MTHFD2L: variants seen among roughly 807,000 people sequenced by gnomAD.
MTHFD2L encodes the protein methylenetetrahydrofolate dehydrogenase (NADP+ dependent) 2 like.
MTHFD2L carries 29 observed loss-of-function variants against 34.9 expected under a neutral mutation model. The ratio of observed to expected loss-of-function variants is 0.83; its 90% CI spans 0.62 to 1.13. MTHFD2L has a LOEUF of 1.13. Ranked by LOEUF, MTHFD2L falls within the 50% of genes most tolerant of loss-of-function variation. The pLI is 0.00. For missense variants in MTHFD2L, 481 were observed against 446.5 expected (o/e 1.08, Z -0.70); for synonymous variants, 167 against 155.7 (o/e 1.07, Z -0.54).
chr4:74,284,527 G>T lies in MTHFD2L; in HGVS notation c.931+2977G>T, dbSNP rs558391904. Among the ~76,000 whole-genome samples the T allele has an allele frequency of 3.8e-3, 564 of 150,142 alleles. 6 individuals carry two copies. The highest frequency in any genetic ancestry group is 6.3e-3 in the Non-Finnish European group (422 of 67,516). Reference sequence around the variant, plus strand: ...CCTTCGCCCACTTGTTGATGGGGTTGTTTGTTTTTTTTTTTCTTGTAAATT... The same window carrying T: ...CCTTCGCCCACTTGTTGATGGGGTTTTTTGTTTTTTTTTTTCTTGTAAATT... On this transcript the variant is annotated intron_variant, in intron 7 of 7. Coordinates refer to ENST00000325278, the MANE Select transcript of MTHFD2L (RefSeq NM_001144978.3).
intron 6 of MTHFD2L, among the ~76,000 whole-genome samples, chr4:74,266,625 C>T (rs1745315122): frequency 6.6e-6 from 1 of 152,198 alleles, no homozygotes; most frequent in Non-Finnish European, 1.5e-5. Flanking sequence ...GCTCTCACCA[C>T]TTCTCCAACT....
At chr4:74,184,921 G>A (rs1346872835) in intron 3 of MTHFD2L, among the ~76,000 whole-genome samples, 3 of 151,956 alleles carry the variant, frequency 2.0e-5, no homozygotes, top group African/African-American at 7.2e-5. Context: ...AGGCCAAGAT[G>A]GGCAGATCAG....
chr4:74,293,221 T>G (rs954878309), intron 7 of MTHFD2L, among the ~76,000 whole-genome samples: 1 of 152,036 alleles, frequency 6.6e-6, no homozygotes, highest in Admixed American at 6.6e-5. Flanking sequence ...CAGGCCCCAG[T>G]GTGTGATGTT....
chr4:74,214,289 G>A (rs907723447), intron 5 of MTHFD2L, among the ~76,000 whole-genome samples: 10 of 151,760 alleles, frequency 6.6e-5, no homozygotes, highest in South Asian at 2.1e-4. Flanking sequence ...TAGAAGAGGC[G>A]TTCTGGTTTT....
intron 6 of MTHFD2L, among the ~76,000 whole-genome samples, chr4:74,245,865 T>G (rs1742362052): frequency 6.6e-6 from 1 of 151,370 alleles, no homozygotes; most frequent in Admixed American, 6.6e-5. Context: ...ATTTTCTTAA[T>G]CCAGTCTATC....
At chr4:74,124,806 G>T (rs1418400142), upstream of MTHFD2L, among the ~76,000 whole-genome samples, 1 of 152,022 alleles carries the variant, frequency 6.6e-6, no homozygotes, top group Non-Finnish European at 1.5e-5. Context: ...ATTTATTAAA[G>T]AACTCAGAAT....
intron 1 of MTHFD2L, among the ~76,000 whole-genome samples, chr4:74,149,196 G>A (rs1288320423): frequency 6.6e-6 from 1 of 151,800 alleles, no homozygotes; most frequent in Non-Finnish European, 1.5e-5. Context: ...AGCAGTTTCA[G>A]TGGTTTCCTG....
intron 1 of MTHFD2L, among the ~76,000 whole-genome samples, chr4:74,145,015 A>G (rs1723504662): frequency 2.0e-5 from 3 of 152,196 alleles, no homozygotes; most frequent in African/African-American, 7.2e-5. Flanking sequence ...AGAGATTTAA[A>G]TAAGAAAGTC....
chr4:74,255,893 G>A (rs1168304962), intron 6 of MTHFD2L, among the ~76,000 whole-genome samples: 1 of 152,056 alleles, frequency 6.6e-6, no homozygotes, highest in Non-Finnish European at 1.5e-5. Flanking sequence ...TCTTTATCCA[G>A]TCCATTCTTT....
At chr4:74,298,342 A>G (rs530385335) in intron 7 of MTHFD2L, among the ~76,000 whole-genome samples, 2 of 152,070 alleles carry the variant, frequency 1.3e-5, no homozygotes, top group Admixed American at 1.3e-4. Flanking sequence ...ACATAGCCTG[A>G]TTCTATGAAA....
At chr4:74,224,321 T>C (rs188945312) in intron 5 of MTHFD2L, among the ~76,000 whole-genome samples, 1 of 152,310 alleles carries the variant, frequency 6.6e-6, no homozygotes, top group East Asian at 1.9e-4. Context: ...CTGCCGGCCA[T>C]GTTGTCATTC....
intron 1 of MTHFD2L, among the ~76,000 whole-genome samples, chr4:74,168,487 A>G (rs1036918671): frequency 5.3e-5 from 8 of 152,192 alleles, no homozygotes; most frequent in African/African-American, 1.9e-4. Flanking sequence ...TGGCCCTCAG[A>G]TAAGTCCTTT....
At chr4:74,220,092 A>ATT (rs35484581) in intron 5 of MTHFD2L, among the ~76,000 whole-genome samples, 5,508 of 148,094 alleles carry the variant, frequency 0.037, 112 homozygotes, top group Non-Finnish European at 0.055. Context: ...TTTGGTTTTG[A>ATT]TTTTTTTTTT....
chr4:74,188,475 C>G (rs1384721504), intron 3 of MTHFD2L, among the ~76,000 whole-genome samples: 1 of 152,152 alleles, frequency 6.6e-6, no homozygotes, highest in Non-Finnish European at 1.5e-5. Context: ...CTCAGAAGTC[C>G]TATCTCTAAA....
Position 74,158,128 on chromosome 4 carries a change from G to T in MTHFD2L, c.-11G>T. ...GTGGAGCCCCAGTCCGGAAGCCGGGGATCCGCGGCCATGACGGTGCCGGTC... is the reference window on the plus strand; with the variant it reads ...GTGGAGCCCCAGTCCGGAAGCCGGGTATCCGCGGCCATGACGGTGCCGGTC... On this transcript the variant is annotated 5_prime_UTR_variant, in exon 1 of 8. Transcript: ENST00000325278. 6.5e-7 allele frequency: 1 copy of T among 1,530,806 alleles called. No individual in the cohort carries two copies. The highest frequency in any genetic ancestry group is 1.2e-5 in the South Asian group (1 of 82,740). 94.8% of individuals were successfully genotyped at this position (1,530,806 alleles called of 1,614,324 possible).
At chr4:74,271,865 G>T (rs559808731) in intron 6 of MTHFD2L, among the ~76,000 whole-genome samples, 2 of 151,460 alleles carry the variant, frequency 1.3e-5, no homozygotes, top group East Asian at 2.0e-4. Flanking sequence ...GTTTGTAGTT[G>T]TCCTTGAAGA....
At chr4:74,225,230 T>C in intron 5 of MTHFD2L, 72 bp from the exon 6 acceptor site, 1 of 1,140,824 alleles carries the variant, frequency 8.8e-7, no homozygotes, top group Non-Finnish European at 1.3e-6. Flanking sequence ...AGTGAAACTC[T>C]TCTGGATTTA....
At chr4:74,115,580 T>C (rs1205743450) in intron 2 of MTHFD2L, among the ~76,000 whole-genome samples, 5 of 152,222 alleles carry the variant, frequency 3.3e-5, no homozygotes, top group African/African-American at 7.2e-5. Context: ...AGTATGAACA[T>C]GCCTTCATGG....
chr4:74,145,164 GA>G (rs1261141228), intron 1 of MTHFD2L, among the ~76,000 whole-genome samples: 1,447 of 137,462 alleles, frequency 0.011, 21 homozygotes, highest in African/African-American at 0.034. Context: ...TTCCATATTT[GA>G]AAAAAAAAAA....
Sources: allele counts gnomAD v4.1 joint callset (sites outside exome capture counted in the v4.1 genomes callset), GRCh38; gene constraint gnomAD v4.1.1; transcripts MANE v1.5; gene names NCBI Gene and HGNC (gene_info 2026-07-23, HGNC 2026-07-21).